GRM7: variants seen among roughly 807,000 people sequenced by gnomAD.
The protein encoded by GRM7 is glutamate metabotropic receptor 7.
In GRM7, 35 loss-of-function variants were observed where a neutral mutation model predicts 84.5. The ratio of observed to expected loss-of-function variants is 0.41; its 90% CI spans 0.32 to 0.55. The LOEUF (loss-of-function observed/expected upper bound fraction) is 0.55, where lower values mean the gene tolerates loss of function less well. Among genes scored for constraint, GRM7 ranks in the 20% least tolerant of loss-of-function variants. The pLI, the probability that GRM7 is intolerant of heterozygous loss-of-function variation, is 0.19. For synonymous variants in GRM7, 487 were observed against 455.1 expected, an observed-to-expected ratio of 1.07 and a Z score of -0.89; for missense variants, 1,003 against 1,194.6, an observed-to-expected ratio of 0.84 and a Z score of 2.36.
rs79713444 is a variant in GRM7 at position 6,896,349 on chromosome 3, G to A, written c.519+34442G>A. Among the ~76,000 whole-genome samples the A allele has an allele frequency of 3.0e-3, 454 of 152,198 alleles. 5 individuals carry two copies. The highest frequency in any genetic ancestry group is 0.011 in the African/African-American group (438 of 41,520). On this transcript the variant is annotated intron_variant, in intron 1 of 9. Coordinates refer to ENST00000357716, the MANE Select transcript of GRM7 (RefSeq NM_000844.4). ...TGTCTTCTAAGCCAAGCCTGTTTTG[G>A]CATATAAAATAATTTTTACCTATCA... is the stretch of plus-strand genomic sequence containing the variant.
chr3:7,710,068 A>C (rs1350621607), intron 9 of GRM7, among the ~76,000 whole-genome samples: 2 of 152,150 alleles, frequency 1.3e-5, no homozygotes, highest in African/African-American at 4.8e-5. Flanking sequence ...CATAAGTACT[A>C]TGCATAAGTA....
chr3:7,321,393 T>C (rs1700775914), intron 4 of GRM7, among the ~76,000 whole-genome samples: 1 of 152,048 alleles, frequency 6.6e-6, no homozygotes, highest in Admixed American at 6.6e-5. Flanking sequence ...ATGAAATCAA[T>C]GAATATAGAA....
At chr3:7,712,401 A>G (rs780171617) in intron 9 of GRM7, among the ~76,000 whole-genome samples, 7 of 152,100 alleles carry the variant, frequency 4.6e-5, no homozygotes, top group Non-Finnish European at 7.4e-5. Flanking sequence ...TATTGTGGAA[A>G]GATGACTTTC....
At chr3:7,625,303 G>T (rs943459307) in intron 8 of GRM7, among the ~76,000 whole-genome samples, 4 of 152,066 alleles carry the variant, frequency 2.6e-5, no homozygotes, top group Non-Finnish European at 5.9e-5. Context: ...GCTTGAGGAA[G>T]CAGCAATGGG....
rs574707782 is a variant in GRM7 at position 7,015,864 on chromosome 3, A to T, written c.520-130588A>T. 1.9e-4 allele frequency among the ~76,000 whole-genome samples: 29 copies of T among 152,354 alleles called. No homozygotes were observed. The South Asian group carries it at 5.2e-3, about 27-fold the overall frequency. On this transcript the variant is annotated intron_variant, in intron 1 of 9. Transcript: ENST00000357716. ...AGAGTGCCTTTGATAACTTAGTCTCAGAAGTCATGCATGTTACTCCTACCT... is the reference window on the plus strand; with the variant it reads ...AGAGTGCCTTTGATAACTTAGTCTCTGAAGTCATGCATGTTACTCCTACCT...
intron 1 of GRM7, among the ~76,000 whole-genome samples, chr3:6,871,514 T>C (rs535098454): frequency 6.6e-6 from 1 of 152,052 alleles, no homozygotes; most frequent in South Asian, 2.1e-4. Context: ...ATGTATTTCC[T>C]TGACTTTTTA....
rs567363218 is a variant in GRM7, at chr3:7,539,128, C to G, written c.1516-39294C>G. Among the ~76,000 whole-genome samples, 124 of 152,144 alleles carry G rather than the reference C, an allele frequency of 8.2e-4. 3 individuals carry two copies. The South Asian group carries it at 0.02, about 25-fold the overall frequency. The stretch of plus-strand genomic sequence containing the variant: ...ATTCTAAATACCCAAAGGTAATAGA[C>G]CATGTCTCTTGAGGTGATTTATCGT... On this transcript the variant is annotated intron_variant, in intron 7 of 9. Transcript: ENST00000357716.
intron 1 of GRM7, among the ~76,000 whole-genome samples, chr3:6,964,987 C>A (rs1040132923): frequency 2.0e-5 from 3 of 152,136 alleles, no homozygotes; most frequent in Non-Finnish European, 4.4e-5. Flanking sequence ...TTTCTGCTTT[C>A]TTTGCCACCA....
intron 1 of GRM7, among the ~76,000 whole-genome samples, chr3:6,924,194 C>G (rs1697222021): frequency 6.6e-6 from 1 of 152,140 alleles, no homozygotes; most frequent in Non-Finnish European, 1.5e-5. Context: ...AATAATTGAA[C>G]TGACTTTCAT....
intron 2 of GRM7, among the ~76,000 whole-genome samples, chr3:7,210,780 A>G (rs1482140637): frequency 6.8e-6 from 1 of 147,520 alleles, no homozygotes; most frequent in Non-Finnish European, 1.5e-5. Flanking sequence ...GATAAAGACA[A>G]TTATGAACAT....
chr3:7,262,174 G>A (rs970656819), intron 2 of GRM7, among the ~76,000 whole-genome samples: 1 of 150,804 alleles, frequency 6.6e-6, no homozygotes, highest in African/African-American at 2.4e-5. Flanking sequence ...GTGAAATAAT[G>A]TTGGGAAAGT....
At chr3:7,340,251 C>G (rs115218796) in intron 4 of GRM7, among the ~76,000 whole-genome samples, 1 of 152,058 alleles carries the variant, frequency 6.6e-6, no homozygotes. Flanking sequence ...TGTATTAGTT[C>G]GTTCTCACAC....
At chr3:7,408,292 G>A (rs1695768529) in intron 4 of GRM7, among the ~76,000 whole-genome samples, 1 of 152,188 alleles carries the variant, frequency 6.6e-6, no homozygotes, top group South Asian at 2.1e-4. Flanking sequence ...GCACTCTGGT[G>A]TTATATAATA....
chr3:7,330,141 A>T (rs1045086330), intron 4 of GRM7, among the ~76,000 whole-genome samples: 7 of 152,182 alleles, frequency 4.6e-5, no homozygotes, highest in Non-Finnish European at 8.8e-5. Flanking sequence ...TGAACCCAAA[A>T]GGTCTCGTAA....
intron 7 of GRM7, among the ~76,000 whole-genome samples, chr3:7,509,757 G>A (rs1358579836): frequency 2.0e-5 from 3 of 152,148 alleles, no homozygotes; most frequent in Non-Finnish European, 2.9e-5. Flanking sequence ...GTGACAAGCG[G>A]GGCCAAGGCT....
chr3:7,206,176 A>G (rs1457578183), intron 2 of GRM7, among the ~76,000 whole-genome samples: 2 of 152,134 alleles, frequency 1.3e-5, no homozygotes, highest in Non-Finnish European at 2.9e-5. Context: ...GCTTCTGGCT[A>G]CTTCCCTGCT....
intron 1 of GRM7, among the ~76,000 whole-genome samples, chr3:7,103,979 T>C (rs1164267589): frequency 6.6e-6 from 1 of 151,476 alleles, no homozygotes; most frequent in Non-Finnish European, 1.5e-5. Context: ...ATTGCACCAT[T>C]GTGAATTTGT....
At chr3:6,995,071 T>C (rs1694784525) in intron 1 of GRM7, among the ~76,000 whole-genome samples, 2 of 152,168 alleles carry the variant, frequency 1.3e-5, no homozygotes, top group African/African-American at 4.8e-5. Context: ...CTCTTATTCA[T>C]TGGTAAATGC....
intron 9 of GRM7, among the ~76,000 whole-genome samples, chr3:7,703,464 G>A (rs972904010): frequency 1.3e-5 from 2 of 151,664 alleles, no homozygotes; most frequent in African/African-American, 4.9e-5. Context: ...TCTGGTGGAT[G>A]GCCTACACCC....
Sources: allele counts gnomAD v4.1 joint callset (sites outside exome capture counted in the v4.1 genomes callset), GRCh38; gene constraint gnomAD v4.1.1; transcripts MANE v1.5; gene names NCBI Gene and HGNC (gene_info 2026-07-23, HGNC 2026-07-21).